The following FAM117B variants were observed in gnomAD, a reference collection of about 807,000 sequenced individuals.
The protein encoded by FAM117B is family with sequence similarity 117 member B.
FAM117B carries 22 observed loss-of-function variants against 52.8 expected under a neutral mutation model. The ratio of observed to expected loss-of-function variants is 0.42; its 90% CI spans 0.30 to 0.59. The LOEUF (loss-of-function observed/expected upper bound fraction) is 0.59, where lower values mean the gene tolerates loss of function less well. Ranked by LOEUF, FAM117B falls within the 20% of genes least tolerant of loss-of-function variation. FAM117B has a pLI of 0.22. For missense variants in FAM117B, 678 were observed against 802.6 expected (o/e 0.84, Z 1.88); for synonymous variants, 309 against 324.1 (o/e 0.95, Z 0.50).
At chr2:202,685,390 A>T (rs1204572046) in intron 1 of FAM117B, among the ~76,000 whole-genome samples, 2 of 152,220 alleles carry the variant, frequency 1.3e-5, no homozygotes, top group African/African-American at 2.4e-5. Flanking sequence ...TAATTAAAGG[A>T]CTGCTTTATT....
intron 4 of FAM117B, among the ~76,000 whole-genome samples, chr2:202,750,906 G>A (rs1206335579): frequency 1.3e-5 from 2 of 152,122 alleles, no homozygotes; most frequent in Non-Finnish European, 2.9e-5. Context: ...AAGGAAGAAT[G>A]TTCTTTTCAC....
chr2:202,649,692 C>T (rs1689928116), intron 1 of FAM117B, among the ~76,000 whole-genome samples: 1 of 151,956 alleles, frequency 6.6e-6, no homozygotes, highest in Non-Finnish European at 1.5e-5. Context: ...GCTGGGATCA[C>T]AGGCACGCGC....
At chr2:202,648,621 T>C (rs1030914247) in intron 1 of FAM117B, among the ~76,000 whole-genome samples, 2 of 151,222 alleles carry the variant, frequency 1.3e-5, no homozygotes, top group Non-Finnish European at 2.9e-5. Context: ...CCATGCATTA[T>C]TTCATCAGGC....
chr2:202,643,402 A>G (rs1465822641), intron 1 of FAM117B, among the ~76,000 whole-genome samples: 1 of 152,168 alleles, frequency 6.6e-6, no homozygotes, highest in Non-Finnish European at 1.5e-5. Context: ...GGGAAGAGGT[A>G]AGGGCGTAGG....
chr2:202,712,970 T>C (rs1039965922), intron 2 of FAM117B, among the ~76,000 whole-genome samples: 2 of 152,246 alleles, frequency 1.3e-5, no homozygotes, highest in African/African-American at 4.8e-5. Flanking sequence ...TGCATCAATA[T>C]TCATCAGTGA....
intron 4 of FAM117B, among the ~76,000 whole-genome samples, chr2:202,749,997 A>T (rs1242012845): frequency 6.6e-6 from 1 of 152,220 alleles, no homozygotes; most frequent in African/African-American, 2.4e-5. Flanking sequence ...AGACTACGTG[A>T]CTTTACACAA....
intron 2 of FAM117B, among the ~76,000 whole-genome samples, chr2:202,708,256 A>G (rs1421825246): frequency 1.3e-5 from 2 of 152,158 alleles, no homozygotes; most frequent in African/African-American, 2.4e-5. Context: ...AGCAATCACC[A>G]TTCCATTTCT....
chr2:202,751,771 C>CAAAAAAAAAAAAA (rs397868272), intron 4 of FAM117B, among the ~76,000 whole-genome samples: 4 of 76,222 alleles, frequency 5.2e-5, no homozygotes, highest in Non-Finnish European at 7.3e-5. Flanking sequence ...GACTCCATCT[C>CAAAAAAAAAAAAA]AAAAAAAAAA....
At chr2:202,714,113 G>A (rs1372601801) in intron 2 of FAM117B, among the ~76,000 whole-genome samples, 1 of 151,970 alleles carries the variant, frequency 6.6e-6, no homozygotes, top group African/African-American at 2.4e-5. Context: ...TTTTTTTATA[G>A]TTTCCAAAAT....
chr2:202,682,092 A>G (rs1574553844), intron 1 of FAM117B, among the ~76,000 whole-genome samples: 1 of 152,180 alleles, frequency 6.6e-6, no homozygotes, highest in African/African-American at 2.4e-5. Flanking sequence ...CCAGGGGAAG[A>G]ATACCTTCCT....
rs181721368 is a variant in FAM117B at position 202,708,452 on chromosome 2, A to G, written c.753+12420A>G. On this transcript the variant is annotated intron_variant, in intron 2 of 7. Coordinates refer to ENST00000392238, the MANE Select transcript of FAM117B (RefSeq NM_173511.4). The stretch of plus-strand genomic sequence containing the variant: ...TAATATTCCATTGTATGTATATACC[A>G]TAGTTTCTTTATCCATTCATCTGCC... Among the ~76,000 whole-genome samples the G allele has an allele frequency of 1.6e-3, 245 of 152,220 alleles. 1 individual carries two copies. The highest frequency in any genetic ancestry group is 1.9e-3 in the Non-Finnish European group (131 of 68,016).
chr2:202,696,378 T>C (rs143379676), intron 2 of FAM117B, among the ~76,000 whole-genome samples: 121 of 152,310 alleles, frequency 7.9e-4, no homozygotes, highest in Middle Eastern at 3.4e-3. Context: ...AAGAATTGTA[T>C]TGGGCCACGC....
chr2:202,713,535 CTAT>C (rs1400378781), intron 2 of FAM117B, among the ~76,000 whole-genome samples: 2 of 152,006 alleles, frequency 1.3e-5, no homozygotes, highest in African/African-American at 4.8e-5. Flanking sequence ...GTTCTGATCT[CTAT>C]TATTTTTTCT....
At chr2:202,718,593 G>C (rs1691098089) in intron 2 of FAM117B, among the ~76,000 whole-genome samples, 1 of 152,038 alleles carries the variant, frequency 6.6e-6, no homozygotes. Flanking sequence ...TTTTGTTGTT[G>C]GTTGGGTTTG....
chr2:202,761,878 CT>C lies in FAM117B; in HGVS notation c.1451+2537del, dbSNP rs76226360. On this transcript the variant is annotated intron_variant, in intron 7 of 7. Coordinates refer to ENST00000392238, the MANE Select transcript of FAM117B (RefSeq NM_173511.4). ...TCTGTTAGTAGAAGGTAAACCTATT[CT>C]TTTTTTTTTTTAATGTAATGTTTAT... Among the ~76,000 whole-genome samples the C allele has an allele frequency of 6.2e-3, 891 of 142,612 alleles. 6 individuals are homozygous for C. The highest frequency in any genetic ancestry group is 0.032 in the East Asian group (158 of 4,926). 93.6% of individuals were successfully genotyped at this position (142,612 alleles called of 152,430 possible). A position where few individuals can be genotyped will look rare whatever the true frequency, so the allele number is the denominator to read the frequency against.
intron 2 of FAM117B, among the ~76,000 whole-genome samples, chr2:202,716,052 G>A (rs539116971): frequency 2.8e-4 from 42 of 152,280 alleles, no homozygotes; most frequent in African/African-American, 8.7e-4. Flanking sequence ...GCTTTGGCTC[G>A]GCATCAGAGG....
Position 202,702,868 on chromosome 2 carries a change from A to G in FAM117B, c.753+6836A>G, listed in dbSNP as rs139514592. Among the ~76,000 whole-genome samples the G allele has an allele frequency of 7.5e-3, 1,147 of 152,268 alleles. 9 individuals carry two copies. The highest frequency in any genetic ancestry group is 0.012 in the Non-Finnish European group (808 of 68,012). ...GCGCCCAGCCACATTTTTTAAATCA[A>G]TATTTTAAAATTAAGATAGGTATGT... On this transcript the variant is annotated intron_variant, in intron 2 of 7. Transcript: ENST00000392238.
chr2:202,694,128 T>C (rs1395716046), intron 1 of FAM117B, among the ~76,000 whole-genome samples: 1 of 151,942 alleles, frequency 6.6e-6, no homozygotes, highest in Non-Finnish European at 1.5e-5. Flanking sequence ...TACTTAAAGT[T>C]TATTTTGATG....
At chr2:202,681,040 A>T (rs889353533) in intron 1 of FAM117B, among the ~76,000 whole-genome samples, 3 of 152,356 alleles carry the variant, frequency 2.0e-5, no homozygotes, top group Admixed American at 2.0e-4. Flanking sequence ...TGACAATAGT[A>T]GCACAAAGAC....
Sources: gnomAD v4.1 joint callset for allele counts (sites outside exome capture counted in the v4.1 genomes callset) on GRCh38, gnomAD v4.1.1 for gene constraint, MANE v1.5 for transcripts, NCBI Gene and HGNC (gene_info 2026-07-23, HGNC 2026-07-21) for gene names.